The following PRRG1 variants were observed in gnomAD, a reference collection of about 807,000 sequenced individuals.
The protein encoded by PRRG1 is proline rich and Gla domain 1.
PRRG1 carries 5 observed loss-of-function variants against 11.8 expected under a neutral mutation model. The observed-to-expected ratio is 0.42, with a 90% confidence interval of 0.22 to 0.89. The LOEUF (loss-of-function observed/expected upper bound fraction) is 0.89, where lower values mean the gene tolerates loss of function less well. Ranked by LOEUF, PRRG1 falls within the 40% of genes least tolerant of loss-of-function variation. The probability of loss-of-function intolerance (pLI) is 0.28; values close to 1 mark genes in which losing one functional copy is unlikely to be tolerated. For missense variants in PRRG1, 155 were observed against 166.1 expected, an observed-to-expected ratio of 0.93 and a Z score of 0.37; for synonymous variants, 66 against 60.4, an observed-to-expected ratio of 1.09 and a Z score of -0.43.
chrX:37,404,631 A>G (rs188642878), intron 1 of PRRG1, among the ~76,000 whole-genome samples: 3 of 110,961 alleles, frequency 2.7e-5, no homozygotes, highest in Non-Finnish European at 5.7e-5. Flanking sequence ...AAAAATCTCA[A>G]TGGGTGAGAC....
At chrX:37,440,735 G>A in intron 3 of PRRG1, 1 of 506,140 alleles carries the variant, frequency 2.0e-6, no homozygotes, top group South Asian at 2.6e-5. Flanking sequence ...TAAAACTGTT[G>A]CATTCCACTT....
At chrX:37,409,464 G>A (rs782087023) in intron 2 of PRRG1, among the ~76,000 whole-genome samples, 1 of 112,362 alleles carries the variant, frequency 8.9e-6, no homozygotes, top group South Asian at 3.7e-4. Flanking sequence ...TGCAAAGATA[G>A]GCATGTTTCC....
intron 2 of PRRG1, among the ~76,000 whole-genome samples, chrX:37,421,027 T>C (rs1569446312): frequency 8.9e-6 from 1 of 112,072 alleles, no homozygotes; most frequent in East Asian, 2.8e-4. Flanking sequence ...ATTATATCTT[T>C]GTTACCTCTT....
At chrX:37,438,430 CTTTTTTTT>C (rs782783420) in intron 3 of PRRG1, among the ~76,000 whole-genome samples, 1 of 69,043 alleles carries the variant, frequency 1.4e-5, no homozygotes, top group African/African-American at 5.8e-5. Flanking sequence ...GAATTTTTTC[CTTTTTTTT>C]TTTTTTTTTT....
chrX:37,420,692 A>AG (rs1932636335), intron 2 of PRRG1, among the ~76,000 whole-genome samples: 1 of 105,797 alleles, frequency 9.5e-6, no homozygotes, highest in Admixed American at 1.0e-4. Context: ...AAAAAAGAAA[A>AG]GAAAGAAAAA....
intron 2 of PRRG1, among the ~76,000 whole-genome samples, chrX:37,423,493 T>A (rs1308796194): frequency 9.1e-6 from 1 of 109,850 alleles, no homozygotes; most frequent in Non-Finnish European, 1.9e-5. Context: ...ATTTTCCTTC[T>A]TTTTATTTTC....
At chrX:37,417,535 A>G (rs1304686334) in intron 2 of PRRG1, among the ~76,000 whole-genome samples, 1 of 111,951 alleles carries the variant, frequency 8.9e-6, no homozygotes, top group Non-Finnish European at 1.9e-5. Context: ...ATAAATTGGG[A>G]CATTGTACAT....
chrX:37,357,337 A>G (rs948900394), intron 1 of PRRG1, among the ~76,000 whole-genome samples: 3 of 111,904 alleles, frequency 2.7e-5, no homozygotes, highest in Non-Finnish European at 3.8e-5. Context: ...AAGTTGTCGT[A>G]ATTATAAATA....
intron 3 of PRRG1, among the ~76,000 whole-genome samples, chrX:37,435,155 A>G (rs1322252717): frequency 9.0e-6 from 1 of 111,256 alleles, no homozygotes; most frequent in African/African-American, 3.3e-5. Context: ...GGTACCAGAA[A>G]GTAAGGAAGT....
chrX:37,367,041 G>C (rs183610589), intron 1 of PRRG1, among the ~76,000 whole-genome samples: 2 of 111,341 alleles, frequency 1.8e-5, no homozygotes, highest in East Asian at 2.8e-4. Flanking sequence ...CCTCCTGCTC[G>C]TCAATCCTGT....
At chrX:37,354,028 A>G (rs1930154739) in intron 1 of PRRG1, among the ~76,000 whole-genome samples, 1 of 112,095 alleles carries the variant, frequency 8.9e-6, no homozygotes, top group African/African-American at 3.2e-5. Context: ...GATATTTCCC[A>G]CCCTGTTTGA....
intron 1 of PRRG1, among the ~76,000 whole-genome samples, chrX:37,374,156 A>G (rs1415134688): frequency 8.9e-5 from 10 of 111,772 alleles, no homozygotes; most frequent in Admixed American, 1.9e-4. Context: ...TAAATATGCT[A>G]TTGAATTCAG....
At chrX:37,363,800 C>T (rs1556368309) in intron 1 of PRRG1, among the ~76,000 whole-genome samples, 2 of 111,525 alleles carry the variant, frequency 1.8e-5, no homozygotes, top group Non-Finnish European at 3.8e-5. Context: ...AAACTTCTTC[C>T]TTGACTTTTG....
intron 1 of PRRG1, among the ~76,000 whole-genome samples, chrX:37,379,830 C>T (rs1556373372): frequency 8.9e-6 from 1 of 111,764 alleles, no homozygotes; most frequent in African/African-American, 3.2e-5. Context: ...AGTGTATTCT[C>T]TGTGCCAACT....
In PRRG1 at chrX:37,453,549, G is replaced by A; in HGVS notation, c.585G>A (p.Glu195=). The A allele has an allele frequency of 1.7e-6, 2 of 1,209,797 alleles. No homozygotes were observed. Among genetic ancestry groups the A allele is most frequent in the Non-Finnish European group, 2.2e-6 (2 of 894,266 alleles). The part of the protein sequence containing the change: ...ETEPHLDPPP[E]YEDIVNSNSA... The stretch of plus-strand genomic sequence containing the variant: ...AACCTCATTTAGACCCACCCCCAGA[G>A]TATGAGGACATAGTCAACTCCAACT... The change falls in exon 4 of 4, where the codon GAG becomes GAA. Residue 195 remains glutamate (E), a synonymous_variant. Coordinates refer to ENST00000378628, the MANE Select transcript of PRRG1 (RefSeq NM_001142395.2).
Position 37,453,730 on chromosome X carries a change from CCGCATACCA to C in PRRG1, c.*111_*119del, listed in dbSNP as rs1921246969. On this transcript the variant is annotated 3_prime_UTR_variant, in exon 4 of 4. Transcript: ENST00000378628. Reference sequence around the variant, plus strand: ...ATTGACTTATTTTATTGGACTCTTACCGCATACCACTTCACACTTGTTTTATTTTCTTTA... The same window carrying C: ...ATTGACTTATTTTATTGGACTCTTACCTTCACACTTGTTTTATTTTCTTTA... 4.8e-5 allele frequency: 36 copies of C among 743,954 alleles called. No homozygotes were observed. The highest frequency in any genetic ancestry group is 4.6e-5 in the Non-Finnish European group (25 of 547,084). The allele number at this position is 743,954 out of a possible 1,213,427, so 61.3% of individuals were successfully genotyped here.
chrX:37,405,068 A>G (rs1171658725), intron 1 of PRRG1, among the ~76,000 whole-genome samples: 1 of 112,076 alleles, frequency 8.9e-6, no homozygotes, highest in African/African-American at 3.2e-5. Flanking sequence ...GTCTTATAAT[A>G]AAGAAACCTG....
At chrX:37,427,427 C>A (rs1556388767) in intron 3 of PRRG1, among the ~76,000 whole-genome samples, 2 of 111,739 alleles carry the variant, frequency 1.8e-5, no homozygotes, top group African/African-American at 3.3e-5. Flanking sequence ...TTCCTCTCAC[C>A]CCTTTATTAT....
At chrX:37,372,587 TAC>T (rs1358281553) in intron 1 of PRRG1, among the ~76,000 whole-genome samples, 1 of 112,913 alleles carries the variant, frequency 8.9e-6, no homozygotes, top group Admixed American at 9.3e-5. Flanking sequence ...GTGCTGGGAT[TAC>T]AGGCATGAGC....
Sources: allele counts gnomAD v4.1 joint callset (sites outside exome capture counted in the v4.1 genomes callset), GRCh38; gene constraint gnomAD v4.1.1; transcripts MANE v1.5; gene names NCBI Gene and HGNC (gene_info 2026-07-23, HGNC 2026-07-21).